RYR3: variants seen among roughly 807,000 people sequenced by gnomAD.
The protein encoded by RYR3 is brain ryanodine receptor-calcium release channel.
In RYR3, 207 loss-of-function variants were observed where a neutral mutation model predicts 584.3. The ratio of observed to expected loss-of-function variants is 0.35; its 90% confidence interval spans 0.32 to 0.40. The LOEUF (loss-of-function observed/expected upper bound fraction) is 0.40, where lower values mean the gene tolerates loss of function less well. Ranked by LOEUF, RYR3 falls within the 10% of genes least tolerant of loss-of-function variation. RYR3 has a pLI of 1.00. For missense variants in RYR3, 5,616 were observed against 6,089.2 expected (o/e 0.92, Z 2.59); for synonymous variants, 2,416 against 2,248.5 (o/e 1.07, Z -2.11).
intron 60 of RYR3, among the ~76,000 whole-genome samples, chr15:33,763,127 T>C (rs2072655256): frequency 6.6e-6 from 1 of 152,174 alleles, no homozygotes; most frequent in African/African-American, 2.4e-5. Context: ...TCAAGATGGA[T>C]TAAAGACTTA....
At chr15:33,561,024 G>A (rs544445843) in intron 10 of RYR3, among the ~76,000 whole-genome samples, 2 of 152,272 alleles carry the variant, frequency 1.3e-5, no homozygotes, top group South Asian at 2.1e-4. Flanking sequence ...TAAATGCTGT[G>A]CGAAATAATT....
chr15:33,716,151 C>T (rs559490831), intron 43 of RYR3, among the ~76,000 whole-genome samples: 2 of 152,286 alleles, frequency 1.3e-5, no homozygotes, highest in South Asian at 4.1e-4. Flanking sequence ...TTTCCCAAGG[C>T]CTCACCAGAA....
chr15:33,685,349 A>C (rs1048010248), intron 38 of RYR3, among the ~76,000 whole-genome samples: 1 of 152,248 alleles, frequency 6.6e-6, no homozygotes, highest in Non-Finnish European at 1.5e-5. Flanking sequence ...GAGACAAAGA[A>C]GGCCAATACA....
At chr15:33,780,988 G>A (rs2074346921) in intron 65 of RYR3, among the ~76,000 whole-genome samples, 3 of 152,182 alleles carry the variant, frequency 2.0e-5, no homozygotes, top group African/African-American at 7.2e-5. Context: ...CGTACATTTG[G>A]TCTGTGGCTG....
chr15:33,328,865 G>T (rs527773545), intron 1 of RYR3, among the ~76,000 whole-genome samples: 22 of 152,120 alleles, frequency 1.4e-4, no homozygotes, highest in Admixed American at 1.4e-3. Flanking sequence ...CTAGCTTGTG[G>T]TTTTATTTTC....
Position 33,412,969 on chromosome 15 carries a change from G to A in RYR3, c.52-60450G>A, listed in dbSNP as rs760247068. 2.0e-5 allele frequency among the ~76,000 whole-genome samples: 3 copies of A among 152,152 alleles called. No individual in the cohort carries two copies. The highest frequency in any genetic ancestry group is 4.4e-5 in the Non-Finnish European group (3 of 68,040). On this transcript the variant is annotated intron_variant, in intron 1 of 103. Transcript: ENST00000634891. The surrounding 1 kb of genome is among the most constrained non-coding windows in gnomAD (Gnocchi z 4.3). The stretch of plus-strand genomic sequence containing the variant: ...CCATCTTTCTCTTTCTGTGCTCTTT[G>A]AGAATGAGAAATGGTCTACCCATCT...
intron 1 of RYR3, among the ~76,000 whole-genome samples, chr15:33,401,836 A>C (rs2042693516): frequency 6.6e-6 from 1 of 152,174 alleles, no homozygotes; most frequent in South Asian, 2.1e-4. Flanking sequence ...TAATTTAAAG[A>C]ATGTCTACCA....
rs762292478 is a variant in RYR3, at chr15:33,644,475, C to T, written c.3721C>T (p.Leu1241Phe). The change falls in exon 28 of 104, where the codon CTC (leucine) becomes TTC (phenylalanine). Residue 1241 changes from leucine to phenylalanine, a missense_variant. Coordinates refer to ENST00000634891, the MANE Select transcript of RYR3 (RefSeq NM_001036.6). ...RDVAMWFSKR[L>F]PTFVNVPKDH... ...TGTTGCTATGTGGTTCAGCAAGCGC[C>T]TCCCGACGTTTGTCAACGTGCCAAA... 36 of 1,613,848 alleles carry T rather than the reference C, an allele frequency of 2.2e-5. No homozygotes were observed. The Admixed American group carries it at 5.5e-4, about 25-fold the overall frequency.
chr15:33,340,259 C>T (rs909120117), intron 1 of RYR3, among the ~76,000 whole-genome samples: 9 of 152,196 alleles, frequency 5.9e-5, no homozygotes, highest in Non-Finnish European at 1.2e-4. Context: ...TTGAGCAGTG[C>T]CAGACCTGTG....
chr15:33,370,795 C>G (rs1257504420), intron 1 of RYR3, among the ~76,000 whole-genome samples: 1 of 152,016 alleles, frequency 6.6e-6, no homozygotes, highest in Non-Finnish European at 1.5e-5. Flanking sequence ...CAATTTTAGG[C>G]AAGCAGGGAA....
In RYR3 at chr15:33,865,234, T is replaced by G; in HGVS notation, c.*8T>G. ...GAAGATCAGCTTGGATAAATCTGAA[T>G]CAAAGAAGCGCGACAATTCTGGACA... is the stretch of plus-strand genomic sequence containing the variant. On this transcript the variant is annotated 3_prime_UTR_variant, in exon 104 of 104. Transcript: ENST00000634891. 6.3e-7 allele frequency: 1 copy of G among 1,597,558 alleles called. No individual in the cohort carries two copies. The highest frequency in any genetic ancestry group is 8.6e-7 in the Non-Finnish European group (1 of 1,168,810).
chr15:33,682,002 T>C (rs1566942749), intron 38 of RYR3, among the ~76,000 whole-genome samples: 1 of 152,254 alleles, frequency 6.6e-6, no homozygotes, highest in African/African-American at 2.4e-5. Flanking sequence ...AAAGATTATT[T>C]ACAGACCCCT....
chr15:33,439,364 G>A (rs1188720899), intron 1 of RYR3, among the ~76,000 whole-genome samples: 1 of 152,106 alleles, frequency 6.6e-6, no homozygotes, highest in African/African-American at 2.4e-5. Context: ...GCTACGTCAA[G>A]TGTTTTATCA....
In RYR3 at chr15:33,345,686, C is replaced by T. The variant is rs1049161259; in HGVS notation, c.51+34590C>T. ...GCAGAGCAGAAGGAGAAGAGTGTGACGCTCTCCACTGAATTCCCAGCACCT... is the reference window on the plus strand; with the variant it reads ...GCAGAGCAGAAGGAGAAGAGTGTGATGCTCTCCACTGAATTCCCAGCACCT... On this transcript the variant is annotated intron_variant, in intron 1 of 103. Transcript: ENST00000634891. 3.9e-5 allele frequency among the ~76,000 whole-genome samples: 6 copies of T among 152,138 alleles called. No individual in the cohort carries two copies. The South Asian group carries it at 8.3e-4, about 21-fold the overall frequency.
At chr15:33,670,363 A>C in intron 37 of RYR3, 56 bp from the exon 38 acceptor site, 1 of 1,585,250 alleles carries the variant, frequency 6.3e-7, no homozygotes, top group Non-Finnish European at 8.6e-7. Context: ...TCTTTGTGAC[A>C]CTATGATGGT....
chr15:33,853,447 C>A, intron 95 of RYR3, 108 bp from the exon 96 acceptor site: 3 of 1,365,464 alleles, frequency 2.2e-6, no homozygotes, highest in Non-Finnish European at 2.0e-6. Flanking sequence ...TCTTCATCTA[C>A]CCCTTGGAAG....
chr15:33,581,509 G>A lies in RYR3; in HGVS notation c.1439G>A (p.Gly480Glu). 1 of 1,613,434 alleles carries A rather than the reference G, an allele frequency of 6.2e-7. No homozygotes were observed. Among genetic ancestry groups the A allele is most frequent in the South Asian group, 1.1e-5 (1 of 91,020 alleles). Residue 480 changes from glycine to glutamate, a missense_variant and splice_region_variant, in exon 14 of 104, where the codon GGA becomes GAA. Transcript: ENST00000634891. ...KNRQNLFKEEGMLALVLNCID... is the reference protein window; with the variant it reads ...KNRQNLFKEEEMLALVLNCID... ...ATTTTCCTCCACTCTCCTTCTCAGG[G>A]AATGTTGGCCCTTGTCTTAAATTGC...
intron 1 of RYR3, among the ~76,000 whole-genome samples, chr15:33,401,654 A>G (rs2042679362): frequency 6.6e-6 from 1 of 152,228 alleles, no homozygotes; most frequent in African/African-American, 2.4e-5. Context: ...GAAAAAGGAT[A>G]TGTCACCTTT....
At chr15:33,541,683 T>C (rs902565600) in intron 7 of RYR3, among the ~76,000 whole-genome samples, 1 of 152,172 alleles carries the variant, frequency 6.6e-6, no homozygotes, top group African/African-American at 2.4e-5. Context: ...GTCTATTCTA[T>C]CATGTTTGAA....
Sources: gnomAD v4.1 joint callset for allele counts (sites outside exome capture counted in the v4.1 genomes callset) on GRCh38, gnomAD v4.1.1 for gene constraint, Gnocchi (gnomAD v3.1) non-coding constraint, MANE v1.5 for transcripts, NCBI Gene and HGNC (gene_info 2026-07-23, HGNC 2026-07-21) for gene names.